The following GSN variants were observed in gnomAD, a reference collection of about 807,000 sequenced individuals.
GSN encodes the protein actin-depolymerizing factor.
A neutral mutation model predicts 85.7 loss-of-function variants in GSN; 56 were observed. The ratio of observed to expected loss-of-function variants is 0.65; its 90% CI spans 0.53 to 0.82. GSN has a LOEUF of 0.82. Ranked by LOEUF, GSN falls within the 40% of genes least tolerant of loss-of-function variation. The pLI is 0.00. For missense variants in GSN, 857 were observed against 979.8 expected (o/e 0.87, Z 1.67); for synonymous variants, 373 against 399.1 (o/e 0.93, Z 0.78).
rs1564552383 is a variant in GSN, at chr9:121,318,847, CG to C, written c.1160del (p.Gly387AlafsTer52). 12 of 1,614,078 alleles carry C rather than the reference CG, an allele frequency of 7.4e-6. No individual in the cohort carries two copies. The highest frequency in any genetic ancestry group is 4.5e-5 in the East Asian group (2 of 44,882). On this transcript the variant is annotated frameshift_variant, in exon 10 of 18. Transcript: ENST00000432226. LOFTEE classifies it high-confidence loss of function. The surrounding 1 kb of genome is among the most constrained non-coding windows in gnomAD (Gnocchi z 4.3). The stretch of plus-strand genomic sequence containing the variant: ...CCTCCACTGCCATGGCCGCCCAGCA[CG>C]GCATGGATGACGATGGCACAGGCCA... ...HTSTAMAAQH[G>X]MDDDGTGQKQ...
the GSN span, among the ~76,000 whole-genome samples, chr9:121,202,100 G>A: frequency 6.6e-6 from 1 of 152,360 alleles, no homozygotes; most frequent in South Asian, 2.1e-4. Flanking sequence ...GTATGCGCAA[G>A]CGCAGTCGCG....
chr9:121,328,939 C>T lies in GSN; in HGVS notation c.1811C>T (p.Pro604Leu), dbSNP rs1237553449. 2 of 1,613,698 alleles carry T rather than the reference C, an allele frequency of 1.2e-6. No homozygotes were observed. Among genetic ancestry groups the T allele is most frequent in the African/African-American group, 1.3e-5 (1 of 74,930 alleles). ...GGGAAGGCTGCCTACCGCACATCCC[C>T]ACGGCTGAAGGACAAGAAGATGGAT... ...LGGKAAYRTS[P>L]RLKDKKMDAH... The change falls in exon 15 of 18, where the codon CCA becomes CTA. Residue 604 changes from proline (P) to leucine (L), a missense_variant. Physicochemically the swap from Pro to Leu is moderately conservative, Grantham distance 98. Coordinates refer to ENST00000432226, the MANE Select transcript of GSN (RefSeq NM_198252.3).
chr9:121,281,793 C>T (rs538453265), intron 2 of GSN: 78 of 471,154 alleles, frequency 1.7e-4, no homozygotes, highest in African/African-American at 1.2e-3. Context: ...GGACTGGGCT[C>T]GGTGCCCGGA....
upstream of GSN, among the ~76,000 whole-genome samples, chr9:121,266,507 G>A (rs1208495256): frequency 2.0e-5 from 3 of 152,212 alleles, no homozygotes; most frequent in Non-Finnish European, 2.9e-5. Context: ...GCCTCCCTGC[G>A]GGGTGGATAC....
chr9:121,258,708 G>A (rs2055019411), intron 6 of GSN, among the ~76,000 whole-genome samples: 1 of 151,466 alleles, frequency 6.6e-6, no homozygotes. Context: ...GGTTAGCCTT[G>A]ACCAATTCTA....
intron 4 of GSN, among the ~76,000 whole-genome samples, chr9:121,223,689 T>C (rs1031103626): frequency 3.3e-5 from 5 of 152,206 alleles, no homozygotes; most frequent in African/African-American, 4.8e-5. Flanking sequence ...AGACAGAGTC[T>C]CACTCTGTTG....
At chr9:121,207,884 A>G (rs1246172157) in exon 1 of GSN, 1 of 151,716 alleles carries the variant, frequency 6.6e-6, no homozygotes, top group Non-Finnish European at 1.5e-5. Flanking sequence ...CCCCCCAGGT[A>G]GCTGAGACTA....
In GSN at chr9:121,228,322, A is replaced by AC. The variant is rs566874433; in HGVS notation, c.-527-2837dup. ...ACTTATTTGATCTTGGATAACTGTTACCCCCCAGTTCTATGTTTTGTTGAG... is the reference window on the plus strand; with the variant it reads ...ACTTATTTGATCTTGGATAACTGTTACCCCCCCAGTTCTATGTTTTGTTGAG... On this transcript the variant is annotated intron_variant, in intron 4 of 24. Transcript: ENST00000373823. Among the ~76,000 whole-genome samples, 11 of 145,992 alleles carry AC rather than the reference A, an allele frequency of 7.5e-5. No homozygotes were observed. The South Asian group carries it at 1.7e-3, about 23-fold the overall frequency.
intron 2 of GSN, among the ~76,000 whole-genome samples, chr9:121,298,737 GGAGGTCTGGGATACAAAGAGAACTTA>G (rs1038071111): frequency 2.0e-5 from 3 of 152,228 alleles, no homozygotes; most frequent in Admixed American, 6.5e-5. Context: ...AGGGTGAAGG[GGAGGTCTGGGATACAAAGAGAACTTA>G]GAGGTGGAGC....
At chr9:121,258,333 T>A (rs1278606431) in intron 6 of GSN, among the ~76,000 whole-genome samples, 1 of 152,138 alleles carries the variant, frequency 6.6e-6, no homozygotes, top group East Asian at 1.9e-4. Flanking sequence ...CGTGGTGGTG[T>A]GTGCCTGTAA....
chr9:121,248,718 A>G (rs2054752607), intron 6 of GSN, among the ~76,000 whole-genome samples: 1 of 152,196 alleles, frequency 6.6e-6, no homozygotes. Context: ...GAAATGGGAA[A>G]GGCATCCTAG....
chr9:121,271,957 C>G (rs1208439577), intron 1 of GSN, among the ~76,000 whole-genome samples: 1 of 152,256 alleles, frequency 6.6e-6, no homozygotes, highest in Non-Finnish European at 1.5e-5. Flanking sequence ...TGGACACTCT[C>G]CTGCTCCTTG....
At chr9:121,324,667 C>T in intron 12 of GSN, 23 bp downstream of exon 12, 3 of 1,194,306 alleles carry the variant, frequency 2.5e-6, no homozygotes, top group Non-Finnish European at 3.6e-6. Context: ...CACCGCCTCT[C>T]TGGGCTGCAG....
intron 6 of GSN, among the ~76,000 whole-genome samples, chr9:121,249,331 G>T (rs2054768402): frequency 6.6e-6 from 1 of 151,976 alleles, no homozygotes; most frequent in Non-Finnish European, 1.5e-5. Flanking sequence ...CAAAAATTTA[G>T]CCAGGCATGG....
At chr9:121,310,139 G>C (rs1408488917) in intron 4 of GSN, 2 of 162,660 alleles carry the variant, frequency 1.2e-5, no homozygotes, top group Non-Finnish European at 2.7e-5. Flanking sequence ...GGGAAATACT[G>C]TATAAAACAA....
intron 4 of GSN, among the ~76,000 whole-genome samples, chr9:121,223,313 G>T (rs547522250): frequency 9.9e-5 from 15 of 152,006 alleles, no homozygotes; most frequent in African/African-American, 3.4e-4. Flanking sequence ...AGTGAGAGGG[G>T]TCCCTCTCCT....
intron 5 of GSN, chr9:121,240,044 C>A: frequency 6.4e-6 from 1 of 155,112 alleles, no homozygotes; most frequent in South Asian, 1.8e-4. Flanking sequence ...TGGGTGTGGC[C>A]CATTCATAAC....
upstream of GSN, among the ~76,000 whole-genome samples, chr9:121,266,805 A>G (rs56907206): frequency 6.0e-4 from 92 of 152,308 alleles, no homozygotes; most frequent in African/African-American, 2.2e-3. Context: ...GCATGGCATG[A>G]GGCATTCAAG....
At chr9:121,229,370 G>A (rs903703912) in intron 4 of GSN, among the ~76,000 whole-genome samples, 3 of 152,084 alleles carry the variant, frequency 2.0e-5, no homozygotes, top group East Asian at 1.9e-4. Flanking sequence ...GCAGGCATGC[G>A]CCACCACACC....
Sources: allele counts gnomAD v4.1 joint callset (sites outside exome capture counted in the v4.1 genomes callset), GRCh38; gene constraint gnomAD v4.1.1; non-coding constraint Gnocchi (gnomAD v3.1); transcripts MANE v1.5; gene names NCBI Gene and HGNC (gene_info 2026-07-23, HGNC 2026-07-21).